PIEZO2: variants seen among roughly 807,000 people sequenced by gnomAD.
PIEZO2 encodes piezo type mechanosensitive ion channel component 2, also known as piezo-type mechanosensitive ion channel component 2.
Under a neutral mutation model 337.3 loss-of-function variants are expected in PIEZO2, and 172 were observed. That is an observed-to-expected ratio of 0.51 (90% CI 0.45 to 0.58). PIEZO2 has a LOEUF of 0.58. Ranked by LOEUF, PIEZO2 falls within the 20% of genes least tolerant of loss-of-function variation. PIEZO2 has a pLI of 0.00. For synonymous variants in PIEZO2, 1,251 were observed against 1,228.5 expected, an observed-to-expected ratio of 1.02 and a Z score of -0.38; for missense variants, 3,028 against 3,391.3, an observed-to-expected ratio of 0.89 and a Z score of 2.66.
chr18:10,762,521 C>T lies in PIEZO2; in HGVS notation c.3228G>A (p.Ser1076=), dbSNP rs775986213. The change falls in exon 23 of 56, where the codon TCG becomes TCA. Residue 1076 remains serine (S), a synonymous_variant. Transcript: ENST00000674853. ...TTACCCTCAGGTAGACTAGCAGAGG[C>T]GAAGACTTCCGCAGGCCGACCCACT... The part of the protein sequence containing the change: ...PTEWVGLRKS[S]PLLVYLRNNL... 2.9e-5 allele frequency: 45 copies of T among 1,537,094 alleles called. No individual in the cohort carries two copies. Among genetic ancestry groups the T allele is most frequent in the South Asian group, 2.6e-4 (22 of 84,058 alleles).
intron 2 of PIEZO2, among the ~76,000 whole-genome samples, chr18:11,044,435 C>A (rs1030420451): frequency 1.3e-5 from 2 of 152,078 alleles, no homozygotes; most frequent in African/African-American, 2.4e-5. Flanking sequence ...AAGTTCCAGG[C>A]CTTCTAAAAA....
intron 2 of PIEZO2, among the ~76,000 whole-genome samples, chr18:11,058,922 C>T (rs2037830775): frequency 6.6e-6 from 1 of 152,164 alleles, no homozygotes; most frequent in South Asian, 2.1e-4. Flanking sequence ...AAAGATACTT[C>T]TCGAGAAGAG....
intron 36 of PIEZO2, chr18:10,725,421 C>G: frequency 6.2e-7 from 1 of 1,603,202 alleles, no homozygotes; most frequent in Non-Finnish European, 8.5e-7. Flanking sequence ...GACCAGAGCC[C>G]GCCAGTACTG....
At chr18:10,966,926 T>C (rs2034024859) in intron 3 of PIEZO2, among the ~76,000 whole-genome samples, 5 of 152,080 alleles carry the variant, frequency 3.3e-5, no homozygotes. Flanking sequence ...CAATTCTATC[T>C]AGGTTGATGC....
Position 11,033,733 on chromosome 18 carries a change from A to G in PIEZO2, c.160+32394T>C, listed in dbSNP as rs1203091432. On this transcript the variant is annotated intron_variant, in intron 2 of 55. Coordinates refer to ENST00000674853, the MANE Select transcript of PIEZO2 (RefSeq NM_001378183.1). The surrounding 1 kb of genome is among the most constrained non-coding windows in gnomAD (Gnocchi z 4.2). ...TACCAAGAGTATAAATATTGCTCTC[A>G]AAACAGTCGCTCTCGGAGGAAGTCA... Among the ~76,000 whole-genome samples the G allele has an allele frequency of 6.6e-6, 1 of 152,152 alleles. No homozygotes were observed. Among genetic ancestry groups the G allele is most frequent in the Non-Finnish European group, 1.5e-5 (1 of 68,042 alleles).
intron 3 of PIEZO2, among the ~76,000 whole-genome samples, chr18:10,933,610 G>C (rs2032215198): frequency 6.6e-6 from 1 of 152,130 alleles, no homozygotes; most frequent in East Asian, 1.9e-4. Flanking sequence ...ACACTTGCTG[G>C]AGGAATTTAA....
At chr18:10,820,344 T>C (rs533087213) in intron 7 of PIEZO2, among the ~76,000 whole-genome samples, 2 of 152,104 alleles carry the variant, frequency 1.3e-5, no homozygotes, top group South Asian at 4.1e-4. Flanking sequence ...TCAGTGGTTT[T>C]TTTTTTTTCT....
At chr18:10,696,666 T>C in intron 45 of PIEZO2, 127 bp from the exon 46 acceptor site, 3 of 1,082,954 alleles carry the variant, frequency 2.8e-6, no homozygotes, top group Non-Finnish European at 4.0e-6. Flanking sequence ...CACCTTCCTC[T>C]CTCTGCCTCA....
At chr18:10,906,518 T>A (rs1041826785) in intron 4 of PIEZO2, among the ~76,000 whole-genome samples, 16 of 152,116 alleles carry the variant, frequency 1.1e-4, no homozygotes, top group Admixed American at 8.5e-4. Context: ...TAGAGAAAAT[T>A]GTGTTCAGAA....
chr18:11,101,160 T>C lies in PIEZO2; in HGVS notation c.65-34938A>G, dbSNP rs948696357. The stretch of plus-strand genomic sequence containing the variant: ...CCACTAAGTGGAATCCTAAATCAGG[T>C]TCATCCACTCAAGCCCATTTTGGGC... On this transcript the variant is annotated intron_variant, in intron 1 of 55. Transcript: ENST00000674853. This position sits in a 1 kb window ranked among gnomAD's most constrained non-coding sequence, Gnocchi z 4.4. Among the ~76,000 whole-genome samples, 1 of 152,170 alleles carries C rather than the reference T, an allele frequency of 6.6e-6. No homozygotes were observed. The highest frequency in any genetic ancestry group is 2.4e-5 in the African/African-American group (1 of 41,440).
chr18:10,736,939 A>G (rs1176416979), intron 33 of PIEZO2, among the ~76,000 whole-genome samples: 22 of 152,174 alleles, frequency 1.4e-4, no homozygotes, highest in Non-Finnish European at 8.8e-5. Context: ...TTGCCATGTA[A>G]GAGAACTGGC....
At position 10,742,150 on chromosome 18, in the gene PIEZO2, G is replaced by A. The variant is rs560954298; in HGVS notation, c.4636+344C>T. On this transcript the variant is annotated intron_variant, in intron 32 of 55. Transcript: ENST00000674853. ...AGCCTGGGGGACAGAGCGAGACTCCGTCTCAAAAACAAAACAAAACAAAAC... is the reference window on the plus strand; with the variant it reads ...AGCCTGGGGGACAGAGCGAGACTCCATCTCAAAAACAAAACAAAACAAAAC... Among the ~76,000 whole-genome samples, 14 of 152,008 alleles carry A rather than the reference G, an allele frequency of 9.2e-5. No homozygotes were observed. The South Asian group carries it at 1.7e-3, about 18-fold the overall frequency.
At position 10,795,091 on chromosome 18, in the gene PIEZO2, A is replaced by G; in HGVS notation, c.1528-89T>C. 9.0e-7 allele frequency: 1 copy of G among 1,117,244 alleles called. No individual in the cohort carries two copies. The highest frequency in any genetic ancestry group is 1.4e-5 in the South Asian group (1 of 69,952). 69.2% of individuals were successfully genotyped at this position (1,117,244 alleles called of 1,614,324 possible). The stretch of plus-strand genomic sequence containing the variant: ...GTAAGGTAAAAACTATCTAAAAAGA[A>G]AAGGTCATAATATTCAAACCAGGGA... On this transcript the variant is annotated intron_variant, in intron 12 of 55. Transcript: ENST00000674853. This position sits in a 1 kb window ranked among gnomAD's most constrained non-coding sequence, Gnocchi z 4.4.
In PIEZO2 at chr18:10,744,245, G is replaced by A. The variant is rs968079354; in HGVS notation, c.4425-14C>T. 2.1e-6 allele frequency: 3 copies of A among 1,461,174 alleles called. No homozygotes were observed. Among genetic ancestry groups the A allele is most frequent in the Non-Finnish European group, 2.8e-6 (3 of 1,078,154 alleles). 90.5% of individuals were successfully genotyped at this position (1,461,174 alleles called of 1,614,324 possible). ...AGTTCAGCTCCTCTAAAGGGAAAGT[G>A]GAAACATGAACAAGTCAATATTCTT... On this transcript the variant is annotated splice_polypyrimidine_tract_variant and intron_variant, in intron 30 of 55. Transcript: ENST00000674853.
chr18:10,709,075 A>G (rs1293912739), intron 39 of PIEZO2: 3 of 152,254 alleles, frequency 2.0e-5, no homozygotes, highest in Non-Finnish European at 4.4e-5. Context: ...AACATCAGAA[A>G]TAAAATAAAA....
In PIEZO2 at chr18:11,021,257, A is replaced by ATC. The variant is rs2036298487; in HGVS notation, c.161-41599_161-41598dup. On this transcript the variant is annotated intron_variant, in intron 2 of 55. Transcript: ENST00000674853. This position sits in a 1 kb window ranked among gnomAD's most constrained non-coding sequence, Gnocchi z 4.7. ...GTCACAGGTGTCAAGGAGACAGCTA[A>ATC]TCTCCCTGGAAAGAACTCCCAAACC... Among the ~76,000 whole-genome samples, 1 of 152,228 alleles carries ATC rather than the reference A, an allele frequency of 6.6e-6. No homozygotes were observed. The highest frequency in any genetic ancestry group is 2.1e-4 in the South Asian group (1 of 4,832).
chr18:11,114,012 G>A (rs1326536311), intron 1 of PIEZO2, among the ~76,000 whole-genome samples: 2 of 152,200 alleles, frequency 1.3e-5, no homozygotes, highest in East Asian at 3.9e-4. Flanking sequence ...GATGAACAGT[G>A]GAGTTCACTA....
At chr18:10,736,088 C>G (rs1431525841) in intron 34 of PIEZO2, among the ~76,000 whole-genome samples, 2 of 152,164 alleles carry the variant, frequency 1.3e-5, no homozygotes, top group African/African-American at 4.8e-5. Flanking sequence ...CTGAAAAAAC[C>G]AGAACTGTGC....
intron 4 of PIEZO2, among the ~76,000 whole-genome samples, chr18:10,896,478 A>T (rs264168): frequency 0.51 from 76,893 of 152,040 alleles, 20,460 homozygotes; most frequent in East Asian, 0.76. Context: ...GGATTTCTAA[A>T]TAAATATATT....
Sources: allele counts gnomAD v4.1 joint callset (sites outside exome capture counted in the v4.1 genomes callset), GRCh38; gene constraint gnomAD v4.1.1; non-coding constraint Gnocchi (gnomAD v3.1); transcripts MANE v1.5; gene names NCBI Gene and HGNC (gene_info 2026-07-23, HGNC 2026-07-21).